Variants in UVSSA observed in about 807,000 individuals in gnomAD.
UVSSA encodes UV stimulated scaffold protein A.
A neutral mutation model predicts 73.9 loss-of-function variants in UVSSA; 72 were observed. That is an observed-to-expected ratio of 0.97 (90% CI 0.81 to 1.19). The LOEUF (loss-of-function observed/expected upper bound fraction) is 1.19, where lower values mean the gene tolerates loss of function less well. UVSSA is among the 50% of genes most tolerant of loss of function. The probability of loss-of-function intolerance (pLI) is 0.00; values close to 1 mark genes in which losing one functional copy is unlikely to be tolerated. For missense variants in UVSSA, 1,150 were observed against 965.0 expected (o/e 1.19, Z -2.54); for synonymous variants, 454 against 391.3 (o/e 1.16, Z -1.89).
At chr4:1,390,826 A>G (rs557605360), downstream of UVSSA, 8 of 152,382 alleles carry the variant, frequency 5.2e-5, no homozygotes, top group African/African-American at 1.9e-4. Context: ...TGTTGTATAG[A>G]TGCCTGTTGG....
intron 8 of UVSSA, among the ~76,000 whole-genome samples, chr4:1,372,028 A>G (rs982918372): frequency 2.6e-5 from 4 of 152,168 alleles, no homozygotes; most frequent in Admixed American, 1.3e-4. Context: ...TGTAAGTTAC[A>G]TATCTCTTCT....
chr4:1,354,647 G>T (rs867753454), intron 5 of UVSSA, 88 bp from the exon 6 acceptor site: 1 of 1,217,946 alleles, frequency 8.2e-7, no homozygotes, highest in African/African-American at 1.5e-5. Context: ...TCAGGCTAGA[G>T]CAGCCTTCCT....
chr4:1,364,445 T>C (rs1717049238), intron 7 of UVSSA, among the ~76,000 whole-genome samples: 1 of 152,200 alleles, frequency 6.6e-6, no homozygotes, highest in South Asian at 2.1e-4. Context: ...CTGGTGAACA[T>C]GTGGGCTCCC....
chr4:1,380,767 T>C lies in UVSSA; in HGVS notation c.1753-113T>C, dbSNP rs1464219189. Reference sequence around the variant, plus strand: ...TTCCAGGTTGTGTACACTTTGGCTCTGTGATACCACCCACCCTGGTCGCTG... The same window carrying C: ...TTCCAGGTTGTGTACACTTTGGCTCCGTGATACCACCCACCCTGGTCGCTG... On this transcript the variant is annotated intron_variant, in intron 11 of 13. Coordinates refer to ENST00000389851, the MANE Select transcript of UVSSA (RefSeq NM_020894.4). The C allele has an allele frequency of 6.3e-6, 10 of 1,577,420 alleles. No individual in the cohort carries two copies. The East Asian group carries it at 1.9e-4, about 29-fold the overall frequency.
exon 14 of UVSSA, chr4:1,394,053 A>G (rs1720466414): frequency 3.7e-6 from 1 of 271,984 alleles, no homozygotes; most frequent in Non-Finnish European, 7.1e-6. Context: ...ATATGTGGTC[A>G]GTGCTCCAGC....
At chr4:1,377,998 ACTC>A (rs1002748075) in intron 10 of UVSSA, among the ~76,000 whole-genome samples, 6 of 151,792 alleles carry the variant, frequency 4.0e-5, no homozygotes, top group Non-Finnish European at 5.9e-5. Flanking sequence ...TGAGGGCCAC[ACTC>A]CTCCTGGCTG....
At chr4:1,391,132 G>T (rs1433857906), downstream of UVSSA, 2 of 135,738 alleles carry the variant, frequency 1.5e-5, no homozygotes, top group East Asian at 2.4e-4. Flanking sequence ...AGTGTTATAT[G>T]GATGCCTGTT....
intron 8 of UVSSA, among the ~76,000 whole-genome samples, chr4:1,372,112 C>A (rs1017113721): frequency 1.3e-5 from 2 of 152,180 alleles, no homozygotes; most frequent in African/African-American, 4.8e-5. Flanking sequence ...TTCTAGTACC[C>A]ACATAGGACC....
In UVSSA at chr4:1,366,364, C is replaced by G. The variant is rs1717325170; in HGVS notation, c.1221C>G (p.Asp407Glu). The G allele has an allele frequency of 3.1e-6, 5 of 1,613,316 alleles. No individual in the cohort carries two copies. The highest frequency in any genetic ancestry group is 2.5e-6 in the Non-Finnish European group (3 of 1,179,632). Residue 407 changes from aspartate to glutamate, a missense_variant, in exon 8 of 14, where the codon GAC becomes GAG. Transcript: ENST00000389851. ...CGGAGGAAGATGAGGACGATGAGGACTTTGTGGAGGTCCCTGAGAAGGAGG... is the reference window on the plus strand; with the variant it reads ...CGGAGGAAGATGAGGACGATGAGGAGTTTGTGGAGGTCCCTGAGAAGGAGG... ...GDAEEDEDDE[D>E]FVEVPEKEGY...
intron 11 of UVSSA, chr4:1,380,671 T>A (rs760897981): frequency 7.8e-6 from 12 of 1,536,570 alleles, no homozygotes; most frequent in Non-Finnish European, 1.1e-5. Flanking sequence ...ACCTTCCGGC[T>A]CCAGAGGAGG....
At chr4:1,345,160 C>A (rs546014997), upstream of UVSSA, among the ~76,000 whole-genome samples, 3 of 152,232 alleles carry the variant, frequency 2.0e-5, no homozygotes, top group South Asian at 6.2e-4. Flanking sequence ...AAGGTGACGG[C>A]AGTGACCTGC....
intron 1 of UVSSA, 164 bp downstream of exon 1, chr4:1,347,924 C>T: frequency 4.7e-6 from 3 of 636,124 alleles, no homozygotes; most frequent in Non-Finnish European, 8.4e-6. Flanking sequence ...CCGTAAAGGC[C>T]TTGCTGGACA....
At chr4:1,353,819 C>T (rs575310609) in intron 5 of UVSSA, among the ~76,000 whole-genome samples, 2 of 152,146 alleles carry the variant, frequency 1.3e-5, no homozygotes, top group African/African-American at 2.4e-5. Context: ...GTCAGGGTCC[C>T]GTGTCGCCAT....
At chr4:1,344,437 G>C (rs534246290), upstream of UVSSA, among the ~76,000 whole-genome samples, 1 of 152,002 alleles carries the variant, frequency 6.6e-6, no homozygotes, top group South Asian at 2.1e-4. Context: ...TGTAATCCCA[G>C]CTATTTGGGA....
intron 8 of UVSSA, among the ~76,000 whole-genome samples, chr4:1,372,561 C>T (rs1718191276): frequency 6.6e-6 from 1 of 152,202 alleles, no homozygotes; most frequent in Non-Finnish European, 1.5e-5. Flanking sequence ...TCCTTCCACC[C>T]CATCACATTG....
rs1191909955 is a variant in UVSSA at position 1,373,098 on chromosome 4, TCTC to T, written c.1289-2263_1289-2261del. On this transcript the variant is annotated intron_variant, in intron 8 of 13. Coordinates refer to ENST00000389851, the MANE Select transcript of UVSSA (RefSeq NM_020894.4). The stretch of plus-strand genomic sequence containing the variant: ...GGCTATAAAATCCTGAGCTTGAACT[TCTC>T]CTTCGGCACTTTCAAAGTGACCTTC... 5.3e-5 allele frequency among the ~76,000 whole-genome samples: 8 copies of T among 152,360 alleles called. No individual in the cohort carries two copies. The East Asian group carries it at 1.3e-3, about 26-fold the overall frequency.
intron 10 of UVSSA, among the ~76,000 whole-genome samples, chr4:1,377,086 G>A (rs754266163): frequency 9.1e-4 from 139 of 152,298 alleles, no homozygotes; most frequent in Non-Finnish European, 1.6e-3. Flanking sequence ...GGCGTGATGC[G>A]GGAGCGTCTC....
intron 8 of UVSSA, among the ~76,000 whole-genome samples, chr4:1,368,997 C>T (rs779298514): frequency 4.6e-5 from 7 of 152,196 alleles, no homozygotes; most frequent in African/African-American, 7.2e-5. Context: ...AGACCTGCCC[C>T]GGTGGAGGGG....
At chr4:1,363,123 G>A (rs4974553) in intron 7 of UVSSA, among the ~76,000 whole-genome samples, 77,835 of 151,648 alleles carry the variant, frequency 0.51, 20,671 homozygotes, top group African/African-American at 0.58. Flanking sequence ...GGGGTACCAC[G>A]GCCTCAGTAG....
Sources: gnomAD v4.1 joint callset for allele counts (sites outside exome capture counted in the v4.1 genomes callset) on GRCh38, gnomAD v4.1.1 for gene constraint, MANE v1.5 for transcripts, NCBI Gene and HGNC (gene_info 2026-07-23, HGNC 2026-07-21) for gene names.